The following SPTB variants were observed in gnomAD, a reference collection of about 807,000 sequenced individuals.
SPTB encodes spectrin beta chain, erythrocytic.
SPTB carries 45 observed loss-of-function variants against 256.2 expected under a neutral mutation model. That is an observed-to-expected ratio of 0.18 (90% CI 0.14 to 0.23). The LOEUF (loss-of-function observed/expected upper bound fraction) is 0.23. SPTB is among the 10% of genes least tolerant of loss of function. The pLI is 1.00. For synonymous variants in SPTB, 1,231 were observed against 1,243.1 expected, an observed-to-expected ratio of 0.99 and a Z score of 0.21; for missense variants, 2,715 against 3,040.4, an observed-to-expected ratio of 0.89 and a Z score of 2.52.
chr14:64,804,864 A>C, intron 3 of SPTB, 75 bp downstream of exon 3: 1 of 1,592,734 alleles, frequency 6.3e-7, no homozygotes, highest in South Asian at 1.1e-5. Context: ...GGAGAACTTG[A>C]GATGCCCCCA....
rs747030862 is a variant in SPTB at position 64,791,863 on chromosome 14, T to C, written c.2667-7A>G. The C allele has an allele frequency of 3.7e-5, 60 of 1,614,178 alleles. No homozygotes were observed. The highest frequency in any genetic ancestry group is 3.1e-4 in the East Asian group (14 of 44,888). ...CTGGTCCAGGATGTCGAACCTGATA[T>C]GGGCAAAGGAAAATATGAGGATGGG... On this transcript the variant is annotated splice_polypyrimidine_tract_variant and splice_region_variant and intron_variant, in intron 14 of 35. Transcript: ENST00000644917.
Position 64,779,014 on chromosome 14 carries a change from C to T in SPTB, c.4563+143G>A, listed in dbSNP as rs993585805. The T allele has an allele frequency of 3.4e-5, 23 of 671,600 alleles. No individual in the cohort carries two copies. Among genetic ancestry groups the T allele is most frequent in the African/African-American group, 1.8e-4 (10 of 54,956 alleles). The allele number at this position is 671,600 out of a possible 1,614,324, so 41.6% of individuals were successfully genotyped here. On this transcript the variant is annotated intron_variant, in intron 22 of 35. Coordinates refer to ENST00000644917, the MANE Select transcript of SPTB (RefSeq NM_001355436.2). This position sits in a 1 kb window ranked among gnomAD's most constrained non-coding sequence, Gnocchi z 4.2. ...TCTTTCTGCTATAAGATTACCAATACGGTTTGGAGACCCCAAAGCTACCAA... is the reference window on the plus strand; with the variant it reads ...TCTTTCTGCTATAAGATTACCAATATGGTTTGGAGACCCCAAAGCTACCAA...
At chr14:64,875,902 G>A (rs1301160927) in intron 1 of SPTB, among the ~76,000 whole-genome samples, 1 of 151,932 alleles carries the variant, frequency 6.6e-6, no homozygotes, top group African/African-American at 2.4e-5. Context: ...GTAGGTCTCA[G>A]GTTATTTTTT....
In SPTB at chr14:64,873,568, C is replaced by T. The variant is rs1427797268; in HGVS notation, c.-52+6224G>A. ...TTCATGCTTTGGAACAGCATCTGTG[C>T]ATACTCTGGAGGGCCATTCTTGAGG... is the stretch of plus-strand genomic sequence containing the variant. On this transcript the variant is annotated intron_variant, in intron 1 of 35. Transcript: ENST00000644917. This position sits in a 1 kb window ranked among gnomAD's most constrained non-coding sequence, Gnocchi z 4.3. 6.6e-6 allele frequency among the ~76,000 whole-genome samples: 1 copy of T among 152,170 alleles called. No homozygotes were observed.
intron 1 of SPTB, among the ~76,000 whole-genome samples, chr14:64,848,543 G>A (rs777954732): frequency 2.0e-5 from 3 of 152,152 alleles, no homozygotes; most frequent in Non-Finnish European, 2.9e-5. Flanking sequence ...ATAAACCTCT[G>A]ATATTCAATT....
rs1475956671 is a variant in SPTB at position 64,759,935 on chromosome 14, TG to T, written c.6346-6143del. Among the ~76,000 whole-genome samples, 2 of 152,122 alleles carry T rather than the reference TG, an allele frequency of 1.3e-5. No homozygotes were observed. Among genetic ancestry groups the T allele is most frequent in the African/African-American group, 4.8e-5 (2 of 41,408 alleles). On this transcript the variant is annotated intron_variant, in intron 32 of 35. Coordinates refer to ENST00000644917, the MANE Select transcript of SPTB (RefSeq NM_001355436.2). This position sits in a 1 kb window ranked among gnomAD's most constrained non-coding sequence, Gnocchi z 4.8. The stretch of plus-strand genomic sequence containing the variant: ...AGGGAAGGCACTGCCTTTAGTCCTC[TG>T]GTTTGGGGAAGAGGCAGGGGGAGGT...
Position 64,823,077 on chromosome 14 carries a change from C to G in SPTB, c.18G>C (p.Glu6Asp), listed in dbSNP as rs753928319. 20 of 1,614,078 alleles carry G rather than the reference C, an allele frequency of 1.2e-5. No homozygotes were observed. The highest frequency in any genetic ancestry group is 1.6e-5 in the Non-Finnish European group (19 of 1,180,046). MTSAT[E>D]FENVGNQPPY... is the part of the protein sequence containing the mutation. ...GTGGCTGGTTGCCCACATTTTCAAA[C>G]TCTGTGGCCGATGTCATGTCAGCAG... The change falls in exon 2 of 36, where the codon GAG becomes GAC. Residue 6 changes from glutamate to aspartate, a missense_variant. Glu to Asp is a conservative substitution (Grantham distance 45). Coordinates refer to ENST00000644917, the MANE Select transcript of SPTB (RefSeq NM_001355436.2). The surrounding 1 kb of genome is among the most constrained non-coding windows in gnomAD (Gnocchi z 6.5).
chr14:64,854,271 A>ACC, intron 1 of SPTB, among the ~76,000 whole-genome samples: 1 of 117,154 alleles, frequency 8.5e-6, no homozygotes, highest in Non-Finnish European at 1.8e-5. Context: ...AGTTTTCCAA[A>ACC]CTCTTTTTTT....
At chr14:64,757,230 C>T (rs1188630130) in intron 32 of SPTB, 1 of 152,258 alleles carries the variant, frequency 6.6e-6, no homozygotes, top group African/African-American at 2.4e-5. Context: ...CTCTGCTCTC[C>T]TGGGATTGGT....
rs1315397591 is a variant in SPTB at position 64,759,613 on chromosome 14, C to T, written c.6346-5820G>A. Among the ~76,000 whole-genome samples, 1 of 152,248 alleles carries T rather than the reference C, an allele frequency of 6.6e-6. No homozygotes were observed. Among genetic ancestry groups the T allele is most frequent in the East Asian group, 1.9e-4 (1 of 5,200 alleles). Reference sequence around the variant, plus strand: ...GGGGCGATGCTGGCTACTCATGTGGCTGAGATGTGACTAAGGGACCGGCAG... The same window carrying T: ...GGGGCGATGCTGGCTACTCATGTGGTTGAGATGTGACTAAGGGACCGGCAG... On this transcript the variant is annotated intron_variant, in intron 32 of 35. Transcript: ENST00000644917. This position sits in a 1 kb window ranked among gnomAD's most constrained non-coding sequence, Gnocchi z 4.8.
At chr14:64,869,169 T>A (rs570267053) in intron 1 of SPTB, among the ~76,000 whole-genome samples, 1 of 152,298 alleles carries the variant, frequency 6.6e-6, no homozygotes, top group South Asian at 2.1e-4. Context: ...ACTTGGTGGG[T>A]ATTCATGGGT....
chr14:64,773,550 G>T (rs1252582462), intron 24 of SPTB, 126 bp from the exon 25 acceptor site: 1 of 1,011,340 alleles, frequency 9.9e-7, no homozygotes, highest in Non-Finnish European at 1.5e-6. Flanking sequence ...AAGCTCTGGA[G>T]AAATGACAGG....
chr14:64,863,970 T>C (rs1268591122), intron 1 of SPTB, among the ~76,000 whole-genome samples: 1 of 152,216 alleles, frequency 6.6e-6, no homozygotes, highest in African/African-American at 2.4e-5. Context: ...TTTGAAGCCC[T>C]AGCATGGCAG....
chr14:64,767,317 G>T lies in SPTB; in HGVS notation c.6255C>A (p.Pro2085=), dbSNP rs768108040. 6 of 1,613,894 alleles carry T rather than the reference G, an allele frequency of 3.7e-6. No individual in the cohort carries two copies. The highest frequency in any genetic ancestry group is 5.1e-6 in the Non-Finnish European group (6 of 1,180,024). ...CCACCACTCACCCAGTCTCCTCTGCGGGTCTCTCTGCAATCTGGCGTTCTT... is the reference window on the plus strand; with the variant it reads ...CCACCACTCACCCAGTCTCCTCTGCTGGTCTCTCTGCAATCTGGCGTTCTT... ...ELKERQIAER[P]AEETGPQEEE... is the part of the protein sequence containing the mutation. The change falls in exon 31 of 36, where the codon CCC becomes CCA. Residue 2085 remains proline (P), a synonymous_variant. Coordinates refer to ENST00000644917, the MANE Select transcript of SPTB (RefSeq NM_001355436.2).
intron 2 of SPTB, among the ~76,000 whole-genome samples, chr14:64,809,216 C>A (rs1291128570): frequency 1.4e-5 from 2 of 138,488 alleles, no homozygotes; most frequent in African/African-American, 5.3e-5. Context: ...GAGCCGAGAT[C>A]CCACCATTGT....
rs894821309 is a variant in SPTB at position 64,764,884 on chromosome 14, C to G, written c.6345+1842G>C. Among the ~76,000 whole-genome samples the G allele has an allele frequency of 1.3e-5, 2 of 152,100 alleles. No homozygotes were observed. Among genetic ancestry groups the G allele is most frequent in the Non-Finnish European group, 1.5e-5 (1 of 68,014 alleles). Reference sequence around the variant, plus strand: ...ACAGACAGGGAGGCGACCCCACATGCGATGACGGGAGCTTCGGAGGGAACT... The same window carrying G: ...ACAGACAGGGAGGCGACCCCACATGGGATGACGGGAGCTTCGGAGGGAACT... On this transcript the variant is annotated intron_variant, in intron 32 of 35. Coordinates refer to ENST00000644917, the MANE Select transcript of SPTB (RefSeq NM_001355436.2). The surrounding 1 kb of genome is among the most constrained non-coding windows in gnomAD (Gnocchi z 4.2).
rs1360988748 is a variant in SPTB at position 64,826,532 on chromosome 14, A to G, written c.-51-3387T>C. Among the ~76,000 whole-genome samples, 1 of 152,226 alleles carries G rather than the reference A, an allele frequency of 6.6e-6. No individual in the cohort carries two copies. Among genetic ancestry groups the G allele is most frequent in the African/African-American group, 2.4e-5 (1 of 41,448 alleles). ...ATCTGCACATCTAGAGTGGCCTTCC[A>G]TGAGTCACGGAGGACCGCAAATACA... On this transcript the variant is annotated intron_variant, in intron 1 of 35. Coordinates refer to ENST00000644917, the MANE Select transcript of SPTB (RefSeq NM_001355436.2). This position sits in a 1 kb window ranked among gnomAD's most constrained non-coding sequence, Gnocchi z 4.4.
Position 64,764,688 on chromosome 14 carries a change from C to T in SPTB, c.6345+2038G>A, listed in dbSNP as rs932102546. ...TCGCTCTGGTGCTCACAGAGGAGCC[C>T]GCACACCAGGACACCGCCACATGCA... On this transcript the variant is annotated intron_variant, in intron 32 of 35. Coordinates refer to ENST00000644917, the MANE Select transcript of SPTB (RefSeq NM_001355436.2). The surrounding 1 kb of genome is among the most constrained non-coding windows in gnomAD (Gnocchi z 4.2). 1.3e-5 allele frequency among the ~76,000 whole-genome samples: 2 copies of T among 152,148 alleles called. No individual in the cohort carries two copies. Among genetic ancestry groups the T allele is most frequent in the African/African-American group, 4.8e-5 (2 of 41,432 alleles).
chr14:64,839,115 C>G (rs2083567658), intron 1 of SPTB, among the ~76,000 whole-genome samples: 1 of 151,668 alleles, frequency 6.6e-6, no homozygotes, highest in African/African-American at 2.4e-5. Flanking sequence ...CTGGGCGACA[C>G]GAGTGAAACT....
Sources: gnomAD v4.1 joint callset for allele counts (sites outside exome capture counted in the v4.1 genomes callset) on GRCh38, gnomAD v4.1.1 for gene constraint, Gnocchi (gnomAD v3.1) non-coding constraint, MANE v1.5 for transcripts, NCBI Gene and HGNC (gene_info 2026-07-23, HGNC 2026-07-21) for gene names.